RALGAPA2: variants seen among roughly 807,000 people sequenced by gnomAD.
RALGAPA2 encodes the protein Ral GTPase activating protein catalytic subunit alpha 2.
A neutral mutation model predicts 230.4 loss-of-function variants in RALGAPA2; 139 were observed. That is an observed-to-expected ratio of 0.60 (90% CI 0.53 to 0.69). RALGAPA2 has a LOEUF of 0.69. Among genes scored for constraint, RALGAPA2 ranks in the 30% least tolerant of loss-of-function variants. The pLI is 0.00. For missense variants in RALGAPA2, 2,163 were observed against 2,276.0 expected, an observed-to-expected ratio of 0.95 and a Z score of 1.01; for synonymous variants, 847 against 837.8, an observed-to-expected ratio of 1.01 and a Z score of -0.19.
chr20:20,444,660 G>A (rs1306712901), intron 37 of RALGAPA2, among the ~76,000 whole-genome samples: 1 of 152,164 alleles, frequency 6.6e-6, no homozygotes, highest in Non-Finnish European at 1.5e-5. Flanking sequence ...GTTTCCCCAA[G>A]TGGTTGATTG....
chr20:20,583,267 C>T, intron 19 of RALGAPA2, 41 bp from the exon 20 acceptor site: 1 of 1,545,316 alleles, frequency 6.5e-7, no homozygotes, highest in East Asian at 2.3e-5. Flanking sequence ...TAAAAAATAG[C>T]TGAAAATCAG....
intron 26 of RALGAPA2, among the ~76,000 whole-genome samples, chr20:20,532,065 C>T (rs1237358961): frequency 6.6e-6 from 1 of 152,116 alleles, no homozygotes. Flanking sequence ...CCATATATAT[C>T]ACTTAGTTTT....
intron 28 of RALGAPA2, 138 bp from the exon 29 acceptor site, chr20:20,525,036 G>C: frequency 5.8e-6 from 4 of 684,256 alleles, no homozygotes; most frequent in Non-Finnish European, 7.2e-6. Flanking sequence ...AAAAAGCAGA[G>C]GGCCAGCTGT....
At chr20:20,395,519 C>G (rs114094849) in intron 39 of RALGAPA2, among the ~76,000 whole-genome samples, 2 of 152,164 alleles carry the variant, frequency 1.3e-5, no homozygotes, top group African/African-American at 2.4e-5. Context: ...TCGGCAAATG[C>G]GAAGTTTTGC....
chr20:20,619,988 G>A (rs967123145), intron 11 of RALGAPA2, among the ~76,000 whole-genome samples: 2 of 152,178 alleles, frequency 1.3e-5, no homozygotes, highest in Non-Finnish European at 2.9e-5. Flanking sequence ...ACTCAGCGAG[G>A]CTTAAAGGGG....
intron 28 of RALGAPA2, 111 bp downstream of exon 28, chr20:20,526,141 A>T: frequency 1.2e-6 from 1 of 849,376 alleles, no homozygotes; most frequent in East Asian, 2.8e-5. Context: ...GACTTGTGGC[A>T]ATTTAATAGT....
Position 20,680,809 on chromosome 20 carries a change from GAA to G in RALGAPA2, c.107-10_107-9del, listed in dbSNP as rs766621838. 4.5e-6 allele frequency: 7 copies of G among 1,555,564 alleles called. No homozygotes were observed. Among genetic ancestry groups the G allele is most frequent in the Admixed American group, 2.3e-5 (1 of 44,062 alleles). ...CATTTGCATCCACATTATCTGAAAA[GAA>G]AAAGTTTCCATTTATGACAATTCAC... On this transcript the variant is annotated splice_polypyrimidine_tract_variant and intron_variant, in intron 1 of 39. Transcript: ENST00000202677.
chr20:20,568,795 C>G (rs1186648467), intron 23 of RALGAPA2, among the ~76,000 whole-genome samples: 1 of 152,166 alleles, frequency 6.6e-6, no homozygotes, highest in Non-Finnish European at 1.5e-5. Context: ...GTGTGCCACC[C>G]AGAGGCAAAA....
In RALGAPA2 at chr20:20,572,940, G is replaced by A; in HGVS notation, c.2836C>T (p.Gln946Ter). 6.3e-7 allele frequency: 1 copy of A among 1,580,646 alleles called. No individual in the cohort carries two copies. ...LGILGDVNNI[Q>*]SPKIHARVFC... ...ACTCTGGCATGGATCTTGGGTGACT[G>A]GATGTTATTCACATCTCCGAGGATC... The change falls in exon 21 of 40, where the codon CAG becomes TAG. Residue 946 changes from glutamine (Q) to a stop codon, truncating the protein, a stop_gained. Coordinates refer to ENST00000202677, the MANE Select transcript of RALGAPA2 (RefSeq NM_020343.4). LOFTEE classifies it high-confidence loss of function.
rs993268333 is a variant in RALGAPA2 at position 20,431,694 on chromosome 20, A to C, written c.5496-19546T>G. On this transcript the variant is annotated intron_variant, in intron 37 of 39. Transcript: ENST00000202677. ...CAAAATTGCAAAGGGAGCAGATTTTAAGTGTTCTCACCACAAATAAATGTA... is the reference window on the plus strand; with the variant it reads ...CAAAATTGCAAAGGGAGCAGATTTTCAGTGTTCTCACCACAAATAAATGTA... 5.3e-5 allele frequency among the ~76,000 whole-genome samples: 8 copies of C among 152,220 alleles called. No homozygotes were observed. In the East Asian group the frequency reaches 1.5e-3, roughly 29 times the overall value.
chr20:20,565,833 A>G (rs1377717295), intron 23 of RALGAPA2, among the ~76,000 whole-genome samples: 1 of 152,240 alleles, frequency 6.6e-6, no homozygotes, highest in African/African-American at 2.4e-5. Context: ...ATTGCCAGTG[A>G]CCAGCACAGC....
intron 35 of RALGAPA2, 73 bp downstream of exon 35, chr20:20,503,278 T>C: frequency 7.8e-7 from 1 of 1,283,950 alleles, no homozygotes; most frequent in Non-Finnish European, 1.0e-6. Flanking sequence ...TCTACCCTTG[T>C]ATTTGTCTGT....
At chr20:20,517,390 T>C (rs1017304915) in intron 31 of RALGAPA2, among the ~76,000 whole-genome samples, 2 of 152,112 alleles carry the variant, frequency 1.3e-5, no homozygotes, top group Admixed American at 6.5e-5. Context: ...AACTGAGAGA[T>C]CCCCTAGCCA....
chr20:20,710,977 G>A (rs1045489475), intron 1 of RALGAPA2, among the ~76,000 whole-genome samples: 2 of 152,178 alleles, frequency 1.3e-5, no homozygotes, highest in Non-Finnish European at 2.9e-5. Context: ...CAACCTGTGC[G>A]TGCATGGTAT....
chr20:20,442,258 C>T (rs982904004), intron 37 of RALGAPA2, among the ~76,000 whole-genome samples: 1 of 152,248 alleles, frequency 6.6e-6, no homozygotes, highest in African/African-American at 2.4e-5. Context: ...ATATTTATCA[C>T]ATCGTACACA....
At chr20:20,570,781 T>C (rs2064602877) in intron 23 of RALGAPA2, among the ~76,000 whole-genome samples, 1 of 152,152 alleles carries the variant, frequency 6.6e-6, no homozygotes. Context: ...ATCACATCAC[T>C]TGCCTGCTTG....
chr20:20,635,519 C>T lies in RALGAPA2; in HGVS notation c.904G>A (p.Val302Ile). The T allele has an allele frequency of 6.3e-7, 1 of 1,594,892 alleles. No individual in the cohort carries two copies. Among genetic ancestry groups the T allele is most frequent in the Non-Finnish European group, 8.5e-7 (1 of 1,172,006 alleles). The change falls in exon 9 of 40, where the codon GTT becomes ATT. Residue 302 changes from valine (V) to isoleucine (I), a missense_variant. Coordinates refer to ENST00000202677, the MANE Select transcript of RALGAPA2 (RefSeq NM_020343.4). ...TKIPYMAARV[V>I]FIKWIVTFFL... ...AAGGTTACAATCCACTTAATAAAAA[C>T]AACACGAGCTGCCATATATGGAATC...
intron 27 of RALGAPA2, among the ~76,000 whole-genome samples, chr20:20,529,116 AG>A (rs1242495189): frequency 2.2e-4 from 33 of 152,224 alleles, no homozygotes; most frequent in African/African-American, 8.0e-4. Flanking sequence ...GTGGGGAGGG[AG>A]GTGTCCTCAG....
At chr20:20,434,195 TG>T (rs2060559253) in intron 37 of RALGAPA2, among the ~76,000 whole-genome samples, 1 of 152,152 alleles carries the variant, frequency 6.6e-6, no homozygotes, top group Admixed American at 6.5e-5. Context: ...TTAATACACA[TG>T]GTTAGTCTCT....
Sources: allele counts gnomAD v4.1 joint callset (sites outside exome capture counted in the v4.1 genomes callset), GRCh38; gene constraint gnomAD v4.1.1; transcripts MANE v1.5; gene names NCBI Gene and HGNC (gene_info 2026-07-23, HGNC 2026-07-21).